MCU: variants seen among roughly 807,000 people sequenced by gnomAD.
MCU encodes mitochondrial calcium uniporter, also known as calcium uniporter protein, mitochondrial.
Under a neutral mutation model 45.2 loss-of-function variants are expected in MCU, and 12 were observed. The observed-to-expected ratio is 0.27, with a 90% confidence interval of 0.17 to 0.43. MCU has a LOEUF of 0.43. Ranked by LOEUF, MCU falls within the 20% of genes least tolerant of loss-of-function variation. MCU has a pLI of 1.00. For synonymous variants in MCU, 160 were observed against 165.1 expected (o/e 0.97, Z 0.24); for missense variants, 324 against 436.7 (o/e 0.74, Z 2.30).
chr10:72,826,331 T>A (rs1844798319), intron 1 of MCU, among the ~76,000 whole-genome samples: 1 of 152,198 alleles, frequency 6.6e-6, no homozygotes. Context: ...TATAAGCTAC[T>A]TCAGTTCTAT....
Position 72,885,797 on chromosome 10 carries a change from TC to T in MCU, c.1033del (p.Arg345AspfsTer61). 6.2e-7 allele frequency: 1 copy of T among 1,613,770 alleles called. No homozygotes were observed. The highest frequency in any genetic ancestry group is 8.5e-7 in the Non-Finnish European group (1 of 1,179,758). On this transcript the variant is annotated frameshift_variant, in exon 8 of 8. Transcript: ENST00000373053. LOFTEE classifies it high-confidence loss of function. ...GACCCATTACAAGTACATCTGCCTC[TC>T]CGACAAATTGGTGAAAAAGATTGAT... ...LRDPLQVHLP[L>X]RQIGEKD
intron 1 of MCU, among the ~76,000 whole-genome samples, chr10:72,696,872 A>T (rs1842694369): frequency 6.6e-6 from 1 of 152,112 alleles, no homozygotes; most frequent in Non-Finnish European, 1.5e-5. Context: ...CTTTAAGCTT[A>T]GTATTGCCAG....
At chr10:72,770,534 C>G (rs1034609345) in intron 1 of MCU, among the ~76,000 whole-genome samples, 3 of 151,840 alleles carry the variant, frequency 2.0e-5, no homozygotes, top group Non-Finnish European at 2.9e-5. Context: ...TGTTACAAAC[C>G]TAACAATGTT....
At chr10:72,720,773 A>G (rs903635375) in intron 1 of MCU, among the ~76,000 whole-genome samples, 16 of 152,222 alleles carry the variant, frequency 1.1e-4, no homozygotes, top group African/African-American at 3.6e-4. Context: ...GTCTTATAAT[A>G]GATGTTCAAC....
At chr10:72,758,495 G>A (rs946867327) in intron 1 of MCU, among the ~76,000 whole-genome samples, 3 of 152,168 alleles carry the variant, frequency 2.0e-5, no homozygotes, top group Non-Finnish European at 4.4e-5. Flanking sequence ...GATGGTGTAT[G>A]TATGAAACCT....
intron 4 of MCU, among the ~76,000 whole-genome samples, chr10:72,864,768 T>C (rs145287187): frequency 6.6e-6 from 1 of 152,174 alleles, no homozygotes; most frequent in Non-Finnish European, 1.5e-5. Context: ...TTTTTGAAGT[T>C]GGAATAATTA....
At chr10:72,849,613 C>G (rs949438032) in intron 2 of MCU, among the ~76,000 whole-genome samples, 10 of 151,996 alleles carry the variant, frequency 6.6e-5, no homozygotes, top group African/African-American at 1.5e-4. Context: ...AGGCCTAGGA[C>G]AAAGCACTTA....
At chr10:72,802,128 G>T (rs1293414438) in intron 1 of MCU, among the ~76,000 whole-genome samples, 1 of 152,128 alleles carries the variant, frequency 6.6e-6, no homozygotes, top group African/African-American at 2.4e-5. Flanking sequence ...AGGACAACAG[G>T]CATTTCCTGC....
At chr10:72,817,654 T>G (rs898358461) in intron 1 of MCU, among the ~76,000 whole-genome samples, 2 of 152,234 alleles carry the variant, frequency 1.3e-5, no homozygotes, top group Non-Finnish European at 2.9e-5. Context: ...TGGAGTCTGT[T>G]GCCCAGGCTG....
At position 72,746,919 on chromosome 10, in the gene MCU, T is replaced by A. The variant is rs182509258; in HGVS notation, c.150+54618T>A. ...GGTAGGTTGCTAGGCATGAATTTAG[T>A]CTCTTTGAAATTTGGAAATATAAAT... is the stretch of plus-strand genomic sequence containing the variant. On this transcript the variant is annotated intron_variant, in intron 1 of 7. Transcript: ENST00000373053. 3.9e-5 allele frequency among the ~76,000 whole-genome samples: 6 copies of A among 152,316 alleles called. No homozygotes were observed. In the East Asian group the frequency reaches 1.2e-3, roughly 29 times the overall value.
At chr10:72,832,934 A>ATGTGTGTGTGTGTGTGTGTGTCTG (rs1844900428) in intron 1 of MCU, among the ~76,000 whole-genome samples, 1 of 143,760 alleles carries the variant, frequency 7.0e-6, no homozygotes, top group Admixed American at 7.0e-5. Flanking sequence ...ACCAATAGCT[A>ATGTGTGTGTGTGTGTGTGTGTCTG]TGTGTGTGTG....
At chr10:72,793,219 G>C (rs901106828) in intron 1 of MCU, among the ~76,000 whole-genome samples, 2 of 152,120 alleles carry the variant, frequency 1.3e-5, no homozygotes, top group African/African-American at 4.8e-5. Flanking sequence ...AATATAGCTA[G>C]GTACCTAGAA....
chr10:72,693,908 GCA>G (rs1842656115), intron 1 of MCU, among the ~76,000 whole-genome samples: 1 of 152,150 alleles, frequency 6.6e-6, no homozygotes, highest in African/African-American at 2.4e-5. Context: ...TTCTGACTTT[GCA>G]CAGTTTTTAA....
At chr10:72,879,997 G>A (rs1423315048) in intron 6 of MCU, among the ~76,000 whole-genome samples, 3 of 152,132 alleles carry the variant, frequency 2.0e-5, no homozygotes, top group East Asian at 1.9e-4. Flanking sequence ...GCAATGAACC[G>A]AGATCACGCC....
chr10:72,705,009 G>A (rs1333114817), intron 1 of MCU, among the ~76,000 whole-genome samples: 4 of 151,730 alleles, frequency 2.6e-5, no homozygotes, highest in Non-Finnish European at 5.9e-5. Flanking sequence ...ATGAGCCACC[G>A]CCCCCAGCCA....
chr10:72,756,992 A>G (rs1021592194), intron 1 of MCU: 1 of 151,752 alleles, frequency 6.6e-6, no homozygotes, highest in Non-Finnish European at 1.5e-5. Flanking sequence ...GGATAACGTA[A>G]TGAGACCTCC....
At chr10:72,827,432 C>A (rs965259904) in intron 1 of MCU, among the ~76,000 whole-genome samples, 2 of 152,162 alleles carry the variant, frequency 1.3e-5, no homozygotes, top group Admixed American at 6.6e-5. Context: ...TTATGGAAAT[C>A]ATAATTACTT....
chr10:72,727,410 C>T (rs1257047362), intron 1 of MCU, among the ~76,000 whole-genome samples: 1 of 152,152 alleles, frequency 6.6e-6, no homozygotes, highest in Non-Finnish European at 1.5e-5. Flanking sequence ...TTTCCCTAAT[C>T]CCACTTTACT....
chr10:72,873,105 G>A (rs1305802856), intron 6 of MCU, among the ~76,000 whole-genome samples: 3 of 133,912 alleles, frequency 2.2e-5, no homozygotes, highest in Non-Finnish European at 3.1e-5. Context: ...TGCAAGCTCC[G>A]CCTCCTGGAT....
Sources: gnomAD v4.1 joint callset for allele counts (sites outside exome capture counted in the v4.1 genomes callset) on GRCh38, gnomAD v4.1.1 for gene constraint, MANE v1.5 for transcripts, NCBI Gene and HGNC (gene_info 2026-07-23, HGNC 2026-07-21) for gene names.